PDE1A: variants seen among roughly 807,000 people sequenced by gnomAD.
PDE1A encodes phosphodiesterase 1A, also known as dual specificity calcium/calmodulin-dependent 3',5'-cyclic nucleotide phosphodiesterase 1A.
A neutral mutation model predicts 61.7 loss-of-function variants in PDE1A; 35 were observed. That is an observed-to-expected ratio of 0.57 (90% CI 0.43 to 0.75). The LOEUF is 0.75. PDE1A is among the 30% of genes least tolerant of loss of function. The pLI, the probability that PDE1A is intolerant of heterozygous loss-of-function variation, is 0.00. For missense variants in PDE1A, 597 were observed against 630.6 expected, an observed-to-expected ratio of 0.95 and a Z score of 0.57; for synonymous variants, 232 against 213.2, an observed-to-expected ratio of 1.09 and a Z score of -0.77.
the PDE1A span, among the ~76,000 whole-genome samples, chr2:182,686,057 A>G: frequency 2.1e-3 from 318 of 152,302 alleles, 2 homozygotes; most frequent in African/African-American, 7.4e-3. Flanking sequence ...ATTGAAAAAT[A>G]TTTTATATAC....
At chr2:182,146,968 A>G, downstream of PDE1A, 1 of 597,120 alleles carries the variant, frequency 1.7e-6, no homozygotes, top group East Asian at 2.9e-5. Context: ...AGAAAATTTC[A>G]TCCATAATGG....
At chr2:182,167,142 G>C (rs571653215), downstream of PDE1A, among the ~76,000 whole-genome samples, 3 of 152,218 alleles carry the variant, frequency 2.0e-5, no homozygotes, top group African/African-American at 7.2e-5. Context: ...TGAGTGTTGA[G>C]AGCTTGACTG....
chr2:182,194,390 C>T (rs1288451843), intron 10 of PDE1A, among the ~76,000 whole-genome samples: 1 of 152,090 alleles, frequency 6.6e-6, no homozygotes, highest in African/African-American at 2.4e-5. Flanking sequence ...TGATATTGAT[C>T]TCTCTCTCCT....
intron 7 of PDE1A, among the ~76,000 whole-genome samples, chr2:182,220,220 A>G (rs1447707108): frequency 6.6e-6 from 1 of 152,138 alleles, no homozygotes; most frequent in Non-Finnish European, 1.5e-5. Flanking sequence ...AATATGAACT[A>G]GCAAAGCACA....
the PDE1A span, among the ~76,000 whole-genome samples, chr2:182,548,995 C>T: frequency 6.6e-6 from 1 of 152,080 alleles, no homozygotes; most frequent in Non-Finnish European, 1.5e-5. Flanking sequence ...TTAGAGTATG[C>T]AGTGAAGGTA....
At chr2:182,242,950 T>TGTGTGTGTGTGTGTGTGTGTGTGTG (rs1553550797) in intron 2 of PDE1A, among the ~76,000 whole-genome samples, 1 of 139,554 alleles carries the variant, frequency 7.2e-6, no homozygotes, top group Admixed American at 7.2e-5. Context: ...TGTGTGTGTG[T>TGTGTGTGTGTGTGTGTGTGTGTGTG]TGTGTAGCTG....
chr2:182,658,600 GTAAC>G, the PDE1A span, among the ~76,000 whole-genome samples: 1 of 152,234 alleles, frequency 6.6e-6, no homozygotes, highest in Non-Finnish European at 1.5e-5. Context: ...ATTCCACAGT[GTAAC>G]TGAGAGACTA....
intron 1 of PDE1A, among the ~76,000 whole-genome samples, chr2:182,345,721 G>T (rs566053116): frequency 6.6e-6 from 1 of 152,166 alleles, no homozygotes; most frequent in East Asian, 1.9e-4. Flanking sequence ...GGTTCTGTGT[G>T]GCTTGTTCCC....
chr2:182,333,082 A>G (rs1379701495), intron 1 of PDE1A, among the ~76,000 whole-genome samples: 1 of 152,170 alleles, frequency 6.6e-6, no homozygotes, highest in Non-Finnish European at 1.5e-5. Flanking sequence ...TCATAAAGCA[A>G]GTTCTTAGAG....
intron 1 of PDE1A, among the ~76,000 whole-genome samples, chr2:182,274,640 T>C (rs183277159): frequency 2.6e-4 from 40 of 152,300 alleles, no homozygotes; most frequent in African/African-American, 7.7e-4. Context: ...AAGGTTGTTA[T>C]ATGTATTATA....
chr2:182,633,242 T>C, the PDE1A span, among the ~76,000 whole-genome samples: 1 of 152,188 alleles, frequency 6.6e-6, no homozygotes, highest in Non-Finnish European at 1.5e-5. Context: ...AACGATTGCA[T>C]GGACAATCTG....
the PDE1A span, among the ~76,000 whole-genome samples, chr2:182,553,221 GCCACCATCTTGGAAGCGGCCCA>G: frequency 3.3e-5 from 5 of 152,194 alleles, no homozygotes; most frequent in African/African-American, 9.7e-5. Context: ...CACGAGGCTT[GCCACCATCTTGGAAGCGGCCCA>G]CCACCATCTT....
At chr2:182,595,307 C>G in the PDE1A span, among the ~76,000 whole-genome samples, 1 of 152,130 alleles carries the variant, frequency 6.6e-6, no homozygotes, top group Non-Finnish European at 1.5e-5. Flanking sequence ...CCCAGAGGAC[C>G]TAAAGCTCCA....
chr2:182,340,668 G>C (rs1295108528), intron 1 of PDE1A, among the ~76,000 whole-genome samples: 1 of 152,166 alleles, frequency 6.6e-6, no homozygotes, highest in Admixed American at 6.5e-5. Flanking sequence ...TAGCTAGAAT[G>C]TAAGGGACAA....
chr2:182,627,411 A>AC, the PDE1A span, among the ~76,000 whole-genome samples: 3 of 109,272 alleles, frequency 2.7e-5, no homozygotes, highest in African/African-American at 9.8e-5. Flanking sequence ...TATTTAATAT[A>AC]AATATATATT....
chr2:182,531,707 G>T, the PDE1A span, among the ~76,000 whole-genome samples: 2 of 152,126 alleles, frequency 1.3e-5, no homozygotes, highest in Admixed American at 1.3e-4. Context: ...ATATTTGTGG[G>T]TTTTTTAATA....
At chr2:182,527,342 A>G (rs1460058887), upstream of PDE1A, among the ~76,000 whole-genome samples, 3 of 10,378 alleles carry the variant, frequency 2.9e-4, no homozygotes, top group African/African-American at 1.2e-3. Flanking sequence ...ATATATATAT[A>G]TATATATATA....
At chr2:182,549,810 G>T in the PDE1A span, among the ~76,000 whole-genome samples, 1 of 151,854 alleles carries the variant, frequency 6.6e-6, no homozygotes, top group East Asian at 1.9e-4. Context: ...TTATAGACAG[G>T]GTTATTAAAT....
the PDE1A span, among the ~76,000 whole-genome samples, chr2:182,611,851 A>G: frequency 1.3e-5 from 2 of 152,254 alleles, no homozygotes; most frequent in Non-Finnish European, 2.9e-5. Context: ...CCGGCTTTAA[A>G]TAACAAAGTT....
Sources: allele counts gnomAD v4.1 joint callset (sites outside exome capture counted in the v4.1 genomes callset), GRCh38; gene constraint gnomAD v4.1.1; transcripts MANE v1.5; gene names NCBI Gene and HGNC (gene_info 2026-07-23, HGNC 2026-07-21).